Variants in ATRNL1 observed in about 807,000 individuals in gnomAD.
ATRNL1 encodes attractin like 1, also known as attractin-like protein 1.
In ATRNL1, 95 loss-of-function variants were observed where a neutral mutation model predicts 182.7. The observed-to-expected ratio is 0.52, with a 90% CI of 0.44 to 0.62. ATRNL1 has a LOEUF of 0.62. ATRNL1 is among the 20% of genes least tolerant of loss of function. The probability of loss-of-function intolerance (pLI) is 0.00; values close to 1 mark genes in which losing one functional copy is unlikely to be tolerated. For synonymous variants in ATRNL1, 576 were observed against 568.3 expected, an observed-to-expected ratio of 1.01 and a Z score of -0.19; for missense variants, 1,471 against 1,679.5, an observed-to-expected ratio of 0.88 and a Z score of 2.17.
rs553920477 is a variant in ATRNL1, at chr10:115,413,902, AATTT to A, written c.3270-12341_3270-12338del. Among the ~76,000 whole-genome samples, 624 of 152,136 alleles carry A rather than the reference AATTT, an allele frequency of 4.1e-3. 4 individuals carry two copies. Among genetic ancestry groups the A allele is most frequent in the African/African-American group, 0.014 (601 of 41,516 alleles). ...TTGGTGAACAAAGTTAGGAAATAAT[AATTT>A]ATTTATGTGCACATATAAATATACA... On this transcript the variant is annotated intron_variant, in intron 20 of 28. Transcript: ENST00000355044.
intron 26 of ATRNL1, among the ~76,000 whole-genome samples, chr10:115,622,477 T>C (rs1857831140): frequency 1.3e-5 from 2 of 152,184 alleles, no homozygotes; most frequent in African/African-American, 4.8e-5. Context: ...ATCATAAGCA[T>C]GAGTGTGTGA....
At chr10:115,534,111 C>G (rs1259010077) in intron 25 of ATRNL1, among the ~76,000 whole-genome samples, 8 of 152,028 alleles carry the variant, frequency 5.3e-5, no homozygotes, top group Middle Eastern at 3.2e-3. Context: ...CTGTAGATGT[C>G]TATTAGGTCT....
intron 27 of ATRNL1, among the ~76,000 whole-genome samples, chr10:115,807,056 A>T (rs1555085781): frequency 6.6e-6 from 1 of 151,564 alleles, no homozygotes; most frequent in Non-Finnish European, 1.5e-5. Context: ...AGTCCTTTTT[A>T]AGTGAGTTAC....
chr10:115,300,350 A>T (rs981100098), intron 16 of ATRNL1, 103 bp downstream of exon 16: 9 of 911,120 alleles, frequency 9.9e-6, no homozygotes, highest in Admixed American at 3.4e-5. Flanking sequence ...TATTTATGTA[A>T]ATTTTATTTT....
chr10:115,856,444 A>AAAAAAAAAAAAAC (rs1269975986), intron 28 of ATRNL1, among the ~76,000 whole-genome samples: 1 of 146,520 alleles, frequency 6.8e-6, no homozygotes, highest in East Asian at 2.0e-4. Flanking sequence ...AAAAAAAAAA[A>AAAAAAAAAAAAAC]AAAAAAGCCA....
At chr10:115,672,836 A>G (rs1341831301) in intron 26 of ATRNL1, among the ~76,000 whole-genome samples, 2 of 152,100 alleles carry the variant, frequency 1.3e-5, no homozygotes, top group Non-Finnish European at 2.9e-5. Context: ...TCCTTTCTGA[A>G]TATCCATACA....
At chr10:115,544,511 T>C (rs533802893) in intron 25 of ATRNL1, among the ~76,000 whole-genome samples, 1 of 152,254 alleles carries the variant, frequency 6.6e-6, no homozygotes, top group African/African-American at 2.4e-5. Context: ...GCTTGTCACA[T>C]GGCGAAAGCA....
intron 26 of ATRNL1, among the ~76,000 whole-genome samples, chr10:115,710,348 G>C (rs934332161): frequency 1.3e-5 from 2 of 152,070 alleles, no homozygotes; most frequent in Admixed American, 6.6e-5. Flanking sequence ...GAAGATGGTG[G>C]CTGCAATGAG....
At chr10:115,101,522 T>A (rs1564735140) in intron 1 of ATRNL1, among the ~76,000 whole-genome samples, 1 of 152,222 alleles carries the variant, frequency 6.6e-6, no homozygotes, top group African/African-American at 2.4e-5. Flanking sequence ...TTTTGAATGT[T>A]AAACCAACCT....
intron 9 of ATRNL1, among the ~76,000 whole-genome samples, chr10:115,226,377 T>A (rs933412234): frequency 2.0e-5 from 3 of 151,986 alleles, no homozygotes; most frequent in Non-Finnish European, 4.4e-5. Flanking sequence ...TTGAGTAGTT[T>A]TATTAGTAAA....
In ATRNL1 at chr10:115,236,005, A is replaced by G. The variant is rs76487320; in HGVS notation, c.1533-5566A>G. ...AATTCATGTATTTTTATTTTATTTAATGTTTTGTAATCAATTGCTATTCTT... is the reference window on the plus strand; with the variant it reads ...AATTCATGTATTTTTATTTTATTTAGTGTTTTGTAATCAATTGCTATTCTT... On this transcript the variant is annotated intron_variant, in intron 9 of 28. Coordinates refer to ENST00000355044, the MANE Select transcript of ATRNL1 (RefSeq NM_207303.4). Among the ~76,000 whole-genome samples, 12 of 152,026 alleles carry G rather than the reference A, an allele frequency of 7.9e-5. No individual in the cohort carries two copies. In the East Asian group the frequency reaches 2.3e-3, roughly 29 times the overall value.
chr10:115,545,151 C>T (rs1401394679), intron 25 of ATRNL1, among the ~76,000 whole-genome samples: 1 of 146,114 alleles, frequency 6.8e-6, no homozygotes, highest in Non-Finnish European at 1.5e-5. Flanking sequence ...AGGAGAATGG[C>T]GTGAACCCGG....
chr10:115,674,732 A>T (rs1945807161), intron 26 of ATRNL1, among the ~76,000 whole-genome samples: 3 of 152,098 alleles, frequency 2.0e-5, no homozygotes, highest in African/African-American at 7.2e-5. Flanking sequence ...TTTACTTGTC[A>T]TACATGTATT....
chr10:115,196,187 G>GAATA (rs1296935589), intron 8 of ATRNL1, among the ~76,000 whole-genome samples: 3 of 151,854 alleles, frequency 2.0e-5, no homozygotes, highest in African/African-American at 7.3e-5. Flanking sequence ...ATGAATGAAT[G>GAATA]AATAAATATC....
At position 115,198,717 on chromosome 10, in the gene ATRNL1, T is replaced by G. The variant is rs1269693551; in HGVS notation, c.1349-16980T>G. ...AAATGAGGGTCTAATTTTATTCTTC[T>G]GCATGTGGATATCCAGTTTTCCTAG... On this transcript the variant is annotated intron_variant, in intron 8 of 28. Transcript: ENST00000355044. Among the ~76,000 whole-genome samples, 4 of 152,188 alleles carry G rather than the reference T, an allele frequency of 2.6e-5. No homozygotes were observed. The East Asian group carries it at 7.7e-4, about 29-fold the overall frequency.
intron 26 of ATRNL1, among the ~76,000 whole-genome samples, chr10:115,657,210 A>G (rs1555036218): frequency 6.6e-6 from 1 of 152,176 alleles, no homozygotes; most frequent in Non-Finnish European, 1.5e-5. Flanking sequence ...AAATCAATAT[A>G]TATTTAATAG....
At chr10:115,399,749 T>C (rs1349872775) in intron 20 of ATRNL1, among the ~76,000 whole-genome samples, 2 of 152,068 alleles carry the variant, frequency 1.3e-5, no homozygotes, top group Admixed American at 6.6e-5. Context: ...GTAGTTCTTT[T>C]AGTTATGGTG....
intron 1 of ATRNL1, among the ~76,000 whole-genome samples, chr10:115,111,200 C>G (rs1268574350): frequency 6.6e-6 from 1 of 151,956 alleles, no homozygotes; most frequent in Non-Finnish European, 1.5e-5. Context: ...AGAAGTATTC[C>G]CTGATTAAAA....
At chr10:115,512,874 G>A (rs1320600449) in intron 24 of ATRNL1, among the ~76,000 whole-genome samples, 2 of 152,006 alleles carry the variant, frequency 1.3e-5, no homozygotes, top group East Asian at 3.9e-4. Context: ...GTGAAGACCA[G>A]TTGCCCTACA....
Sources: allele counts gnomAD v4.1 joint callset (sites outside exome capture counted in the v4.1 genomes callset), GRCh38; gene constraint gnomAD v4.1.1; transcripts MANE v1.5; gene names NCBI Gene and HGNC (gene_info 2026-07-23, HGNC 2026-07-21).